Variants in OXCT1 observed in about 807,000 individuals in gnomAD.
OXCT1 encodes 3-oxoacid CoA-transferase 1, also known as succinyl-CoA:3-ketoacid coenzyme A transferase 1, mitochondrial.
In OXCT1, 27 loss-of-function variants were observed where a neutral mutation model predicts 69.6. The observed-to-expected ratio is 0.39, with a 90% CI of 0.29 to 0.54. The LOEUF (loss-of-function observed/expected upper bound fraction) is 0.54. Among genes scored for constraint, OXCT1 ranks in the 20% least tolerant of loss-of-function variants. The probability of loss-of-function intolerance (pLI) is 0.72; values close to 1 mark genes in which losing one functional copy is unlikely to be tolerated. For synonymous variants in OXCT1, 202 were observed against 217.8 expected, an observed-to-expected ratio of 0.93 and a Z score of 0.64; for missense variants, 437 against 650.2, an observed-to-expected ratio of 0.67 and a Z score of 3.57.
intron 14 of OXCT1, among the ~76,000 whole-genome samples, chr5:41,754,903 G>A (rs946401430): frequency 6.6e-6 from 1 of 151,976 alleles, no homozygotes; most frequent in African/African-American, 2.4e-5. Context: ...CCTGAAAAAC[G>A]GTCTTCAGGG....
chr5:41,829,593 A>AT (rs1227720026), intron 7 of OXCT1, among the ~76,000 whole-genome samples: 1 of 152,196 alleles, frequency 6.6e-6, no homozygotes, highest in Non-Finnish European at 1.5e-5. Context: ...AAATGTCAAG[A>AT]TTAACACTTT....
intron 7 of OXCT1, among the ~76,000 whole-genome samples, chr5:41,833,781 T>C (rs1399295776): frequency 1.3e-5 from 2 of 152,096 alleles, no homozygotes; most frequent in Admixed American, 6.5e-5. Context: ...GAGTTTTGGC[T>C]GGATGCAGTG....
intron 7 of OXCT1, among the ~76,000 whole-genome samples, chr5:41,808,350 T>C (rs2112282894): frequency 6.6e-6 from 1 of 152,132 alleles, no homozygotes; most frequent in Admixed American, 6.5e-5. Context: ...TATACAAGGA[T>C]AGTAGTATTG....
chr5:41,855,226 A>C (rs1454702938), intron 3 of OXCT1, among the ~76,000 whole-genome samples: 1 of 152,212 alleles, frequency 6.6e-6, no homozygotes, highest in Admixed American at 6.5e-5. Context: ...AATCTATGAG[A>C]ATCAAAAGTA....
chr5:41,791,666 A>C (rs1431552385), intron 13 of OXCT1, among the ~76,000 whole-genome samples: 1 of 152,238 alleles, frequency 6.6e-6, no homozygotes, highest in Non-Finnish European at 1.5e-5. Context: ...CATACCCAGG[A>C]CCACTGAGCA....
At chr5:41,800,491 G>T (rs1279180120) in intron 11 of OXCT1, among the ~76,000 whole-genome samples, 1 of 151,724 alleles carries the variant, frequency 6.6e-6, no homozygotes, top group Non-Finnish European at 1.5e-5. Context: ...CCCAGCAGAG[G>T]ACACTCTCCA....
intron 13 of OXCT1, among the ~76,000 whole-genome samples, chr5:41,781,198 C>A (rs949539292): frequency 6.6e-6 from 1 of 152,008 alleles, no homozygotes; most frequent in Non-Finnish European, 1.5e-5. Context: ...CCACCAAGGC[C>A]GGCTTACTGT....
intron 3 of OXCT1, among the ~76,000 whole-genome samples, chr5:41,855,506 A>G (rs1333248663): frequency 1.3e-5 from 2 of 152,050 alleles, no homozygotes; most frequent in African/African-American, 4.8e-5. Flanking sequence ...TTTATTTACA[A>G]TCTCTCCCTC....
At chr5:41,742,478 T>C (rs1743217560) in intron 15 of OXCT1, among the ~76,000 whole-genome samples, 1 of 152,202 alleles carries the variant, frequency 6.6e-6, no homozygotes, top group East Asian at 1.9e-4. Flanking sequence ...CTTTCTTTTA[T>C]TTTACTTTAT....
chr5:41,853,540 C>T lies in OXCT1; in HGVS notation c.293G>A (p.Gly98Asp), dbSNP rs758376369. ...CTTGGACCGAAGCAAAAGCCCCAAA[C>T]CAAAATTGTCAACCCTAGAAGGAAA... ...VSNNAGVDNF[G>D]LGLLLRSKQI... Residue 98 changes from glycine to aspartate, a missense_variant, in exon 4 of 17, where the codon GGT (glycine) becomes GAT (aspartate). Gly to Asp is a moderately conservative substitution (Grantham distance 94). Transcript: ENST00000196371. The T allele has an allele frequency of 6.2e-7, 1 of 1,613,814 alleles. No individual in the cohort carries two copies. The highest frequency in any genetic ancestry group is 1.7e-5 in the Admixed American group (1 of 60,004).
At chr5:41,785,546 T>C (rs923082173) in intron 13 of OXCT1, among the ~76,000 whole-genome samples, 9 of 152,106 alleles carry the variant, frequency 5.9e-5, no homozygotes, top group African/African-American at 2.2e-4. Context: ...GAATTAAATA[T>C]GATAAATAGG....
intron 1 of OXCT1, among the ~76,000 whole-genome samples, chr5:41,868,632 A>C (rs1750120659): frequency 6.6e-6 from 1 of 151,460 alleles, no homozygotes. Context: ...CTGAGGCAGG[A>C]GAATGGCGTG....
chr5:41,840,637 G>A, intron 6 of OXCT1, 126 bp from the exon 7 acceptor site: 2 of 631,440 alleles, frequency 3.2e-6, no homozygotes, highest in Non-Finnish European at 2.8e-6. Context: ...TCCAAAAAGA[G>A]TGTATCATAT....
In OXCT1 at chr5:41,749,523, T is replaced by C; in HGVS notation, c.1419+4A>G. The C allele has an allele frequency of 6.3e-7, 1 of 1,595,574 alleles. No homozygotes were observed. Among genetic ancestry groups the C allele is most frequent in the Non-Finnish European group, 8.6e-7 (1 of 1,164,278 alleles). ...ATGGTAATAGTAGAAAAAGCACTTT[T>C]TACCTTTTCAGTAATAATGCGGTTG... On this transcript the variant is annotated splice_donor_region_variant and intron_variant, in intron 15 of 16. Transcript: ENST00000196371.
chr5:41,797,975 G>C (rs556559843), intron 11 of OXCT1, among the ~76,000 whole-genome samples: 1 of 152,290 alleles, frequency 6.6e-6, no homozygotes, highest in African/African-American at 2.4e-5. Flanking sequence ...AGAGACACTA[G>C]ATATGTTGTG....
intron 7 of OXCT1, among the ~76,000 whole-genome samples, chr5:41,822,948 A>G (rs1747630431): frequency 6.6e-6 from 1 of 152,162 alleles, no homozygotes; most frequent in Non-Finnish European, 1.5e-5. Flanking sequence ...AGTCGGATTA[A>G]TATCTACCAT....
intron 13 of OXCT1, among the ~76,000 whole-genome samples, chr5:41,773,412 GAA>G (rs1412077994): frequency 4.4e-5 from 5 of 113,310 alleles, no homozygotes; most frequent in East Asian, 2.4e-4. Context: ...CTGTCTCTAC[GAA>G]AAAAAAAAAA....
chr5:41,836,595 T>G (rs1011729765), intron 7 of OXCT1, among the ~76,000 whole-genome samples: 1 of 152,048 alleles, frequency 6.6e-6, no homozygotes, highest in Non-Finnish European at 1.5e-5. Context: ...GGACGTGGTT[T>G]TGGGATGAAA....
chr5:41,771,479 A>G (rs1376083529), intron 13 of OXCT1, among the ~76,000 whole-genome samples: 1 of 152,178 alleles, frequency 6.6e-6, no homozygotes, highest in Admixed American at 6.5e-5. Flanking sequence ...ATAGACTAAC[A>G]CTCTGATCTA....
Sources: allele counts gnomAD v4.1 joint callset (sites outside exome capture counted in the v4.1 genomes callset), GRCh38; gene constraint gnomAD v4.1.1; transcripts MANE v1.5; gene names NCBI Gene and HGNC (gene_info 2026-07-23, HGNC 2026-07-21).